The following AEN variants were observed in gnomAD, a reference collection of about 807,000 sequenced individuals.
AEN encodes the protein apoptosis enhancing nuclease.
Under a neutral mutation model 17.7 loss-of-function variants are expected in AEN, and 21 were observed. The observed-to-expected ratio is 1.19, with a 90% CI of 0.84 to 1.71. The LOEUF is 1.71. Ranked by LOEUF, AEN falls within the 40% of genes most tolerant of loss-of-function variation. AEN has a pLI of 0.00. For synonymous variants in AEN, 190 were observed against 173.0 expected (o/e 1.10, Z -0.77); for missense variants, 462 against 435.9 (o/e 1.06, Z -0.53).
At chr15:88,612,571 T>TTTTATTTA in the AEN span, among the ~76,000 whole-genome samples, 1,034 of 140,510 alleles carry the variant, frequency 7.4e-3, 4 homozygotes, top group East Asian at 0.014. Context: ...TTTCCCAGCC[T>TTTTATTTA]TTTATTTATT....
At chr15:88,609,223 C>T in the AEN span, among the ~76,000 whole-genome samples, 1 of 152,144 alleles carries the variant, frequency 6.6e-6, no homozygotes, top group African/African-American at 2.4e-5. Flanking sequence ...AGACTATTAG[C>T]CCTTCAATAT....
upstream of AEN, among the ~76,000 whole-genome samples, chr15:88,620,915 C>A (rs1012782029): frequency 3.3e-5 from 5 of 152,152 alleles, no homozygotes; most frequent in Non-Finnish European, 7.3e-5. Context: ...TTAGTGCCTA[C>A]TGTGTATATT....
chr15:88,622,009 T>C (rs1003111218), intron 1 of AEN, among the ~76,000 whole-genome samples: 1 of 152,138 alleles, frequency 6.6e-6, no homozygotes, highest in Non-Finnish European at 1.5e-5. Context: ...CCTCGGTTGA[T>C]GGTGAAGAGA....
In AEN at chr15:88,630,571, G is replaced by A; in HGVS notation, c.*277G>A. ...AGATGTCAGGTGGACCATCTTCTAG[G>A]GCCCAGCAGGAGTAGGGAATGTGCC... On this transcript the variant is annotated 3_prime_UTR_variant, in exon 4 of 4. Coordinates refer to ENST00000332810, the MANE Select transcript of AEN (RefSeq NM_022767.4). The surrounding 1 kb of genome is among the most constrained non-coding windows in gnomAD (Gnocchi z 5.1). 1 of 436,942 alleles carries A rather than the reference G, an allele frequency of 2.3e-6. No homozygotes were observed. The highest frequency in any genetic ancestry group is 4.2e-5 in the East Asian group (1 of 23,854). 27.1% of individuals were successfully genotyped at this position (436,942 alleles called of 1,614,324 possible).
chr15:88,628,582 A>C (rs1052324481), intron 2 of AEN: 1 of 151,650 alleles, frequency 6.6e-6, no homozygotes, highest in Non-Finnish European at 1.5e-5. Flanking sequence ...GAAGACAGGG[A>C]TTATGGCCCT....
At position 88,630,074 on chromosome 15, in the gene AEN, A is replaced by C; in HGVS notation, c.758A>C (p.His253Pro). ...HKKIQVGQHGHSSVEDATTAM... is the reference protein window; with the variant it reads ...HKKIQVGQHGPSSVEDATTAM... ...CGTCAGTAGGTGGGCCAGCACGGGC[A>C]CTCATCAGTAGAAGATGCCACGACA... is the stretch of plus-strand genomic sequence containing the variant. The change falls in exon 4 of 4, where the codon CAC (histidine) becomes CCC (proline). Residue 253 changes from histidine to proline, a missense_variant. Physicochemically the swap from His to Pro is moderately conservative, Grantham distance 77. Coordinates refer to ENST00000332810, the MANE Select transcript of AEN (RefSeq NM_022767.4). The surrounding 1 kb of genome is among the most constrained non-coding windows in gnomAD (Gnocchi z 5.1). 3.1e-6 allele frequency: 5 copies of C among 1,613,996 alleles called. No individual in the cohort carries two copies. The highest frequency in any genetic ancestry group is 4.2e-6 in the Non-Finnish European group (5 of 1,180,012).
intron 1 of AEN, among the ~76,000 whole-genome samples, chr15:88,622,601 G>T (rs1672739249): frequency 6.6e-6 from 1 of 152,022 alleles, no homozygotes; most frequent in African/African-American, 2.4e-5. Flanking sequence ...GGGACTGCAT[G>T]CACCGGTAGT....
rs112955650 is a variant in AEN at position 88,622,619 on chromosome 15, A to AAACAGAACAG, written c.-65+1247_-65+1256dup. ...ACTGCATGCACCGGTAGTCAGAGTG[A>AAACAGAACAG]AACAGAACAGAACAGAACAAGAGAT... On this transcript the variant is annotated intron_variant, in intron 1 of 3. Coordinates refer to ENST00000332810, the MANE Select transcript of AEN (RefSeq NM_022767.4). 2.7e-3 allele frequency among the ~76,000 whole-genome samples: 405 copies of AAACAGAACAG among 152,200 alleles called. 2 individuals carry two copies. Among genetic ancestry groups the AAACAGAACAG allele is most frequent in the African/African-American group, 9.3e-3 (384 of 41,490 alleles).
At chr15:88,626,954 G>A in intron 2 of AEN, 1 of 604,370 alleles carries the variant, frequency 1.7e-6, no homozygotes, top group Non-Finnish European at 2.9e-6. Context: ...TTGCTGGCCT[G>A]TTGCACAGGA....
chr15:88,630,235 G>A lies in AEN; in HGVS notation c.919G>A (p.Asp307Asn), dbSNP rs772094034. Residue 307 changes from aspartate (D) to asparagine (N), a missense_variant, in exon 4 of 4, where the codon GAT (aspartate) becomes AAT (asparagine). Physicochemically the swap from Asp to Asn is conservative, Grantham distance 23. Coordinates refer to ENST00000332810, the MANE Select transcript of AEN (RefSeq NM_022767.4). This position sits in a 1 kb window ranked among gnomAD's most constrained non-coding sequence, Gnocchi z 5.1. ...GTACATGGAGGACCAGTACTGGCCC[G>A]ATGACCTGGCCCACGGCAGCAGAGG... ...EQYMEDQYWP[D>N]DLAHGSRGGA... 8.7e-6 allele frequency: 14 copies of A among 1,603,242 alleles called. No homozygotes were observed. The highest frequency in any genetic ancestry group is 4.5e-5 in the South Asian group (4 of 89,506).
chr15:88,610,734 TAAAAA>T, the AEN span, among the ~76,000 whole-genome samples: 1 of 151,920 alleles, frequency 6.6e-6, no homozygotes, highest in African/African-American at 2.4e-5. Context: ...TGCTCACAAT[TAAAAA>T]GAGAAAGAAT....
chr15:88,623,965 T>TG (rs1321098125), intron 1 of AEN, among the ~76,000 whole-genome samples: 1 of 152,258 alleles, frequency 6.6e-6, no homozygotes, highest in East Asian at 1.9e-4. Context: ...TTAAGGCCTT[T>TG]GCCCCTAACA....
chr15:88,619,921 C>T (rs537181375), upstream of AEN, among the ~76,000 whole-genome samples: 1 of 152,138 alleles, frequency 6.6e-6, no homozygotes, highest in East Asian at 1.9e-4. Context: ...AACACTCCCC[C>T]ACTCCTTTCT....
Position 88,629,749 on chromosome 15 carries a change from T to C in AEN, c.742-309T>C, listed in dbSNP as rs369449559. On this transcript the variant is annotated intron_variant, in intron 3 of 3. Transcript: ENST00000332810. ...GTCTCCCATCCCCTACTAGCAGACA[T>C]AGAGCCTTAGATCAGGAGGAGCCAG... 1.1e-4 allele frequency among the ~76,000 whole-genome samples: 16 copies of C among 152,328 alleles called. No individual in the cohort carries two copies. The South Asian group carries it at 3.1e-3, about 30-fold the overall frequency.
At chr15:88,626,106 A>T in intron 1 of AEN, 40 bp from the exon 2 acceptor site, 1 of 1,329,842 alleles carries the variant, frequency 7.5e-7, no homozygotes, top group Non-Finnish European at 1.0e-6. Flanking sequence ...TGCCTGGCAC[A>T]CTCTCACCCA....
Position 88,630,172 on chromosome 15 carries a change from G to C in AEN, c.856G>C (p.Glu286Gln). The C allele has an allele frequency of 6.2e-7, 1 of 1,613,704 alleles. No homozygotes were observed. Among genetic ancestry groups the C allele is most frequent in the Non-Finnish European group, 8.5e-7 (1 of 1,179,840 alleles). ...QEARSLWTCP[E>Q]DREPDSSTDM... Reference sequence around the variant, plus strand: ...GGCCCGCAGCCTCTGGACCTGCCCCGAGGACAGAGAACCTGACAGCAGCAC... The same window carrying C: ...GGCCCGCAGCCTCTGGACCTGCCCCCAGGACAGAGAACCTGACAGCAGCAC... Residue 286 changes from glutamate to glutamine, a missense_variant, in exon 4 of 4, where the codon GAG becomes CAG. By Grantham distance (29) the Glu-to-Gln change is conservative (BLOSUM62 2). Coordinates refer to ENST00000332810, the MANE Select transcript of AEN (RefSeq NM_022767.4). This position sits in a 1 kb window ranked among gnomAD's most constrained non-coding sequence, Gnocchi z 5.1.
At chr15:88,611,546 T>G in the AEN span, among the ~76,000 whole-genome samples, 1 of 151,782 alleles carries the variant, frequency 6.6e-6, no homozygotes, top group African/African-American at 2.4e-5. Flanking sequence ...GAGTGAGCTG[T>G]GATTGCACCA....
the AEN span, among the ~76,000 whole-genome samples, chr15:88,607,176 C>A: frequency 8.6e-4 from 131 of 152,202 alleles, 3 homozygotes; most frequent in Admixed American, 8.2e-3. Flanking sequence ...TAGAGGGAAA[C>A]GTGTCTCCCT....
chr15:88,608,108 G>C, the AEN span: 2 of 527,454 alleles, frequency 3.8e-6, no homozygotes, highest in Non-Finnish European at 7.9e-6. Context: ...GCTCTTATTG[G>C]CTGGAAAGGA....
Sources: allele counts gnomAD v4.1 joint callset (sites outside exome capture counted in the v4.1 genomes callset), GRCh38; gene constraint gnomAD v4.1.1; non-coding constraint Gnocchi (gnomAD v3.1); transcripts MANE v1.5; gene names NCBI Gene and HGNC (gene_info 2026-07-23, HGNC 2026-07-21).